Variants in TG observed in about 807,000 individuals in gnomAD.
The protein encoded by TG is thyroglobulin, also known as thyroid hormones.
Under a neutral mutation model 324.7 loss-of-function variants are expected in TG, and 270 were observed. The ratio of observed to expected loss-of-function variants is 0.83; its 90% CI spans 0.75 to 0.92. The LOEUF (loss-of-function observed/expected upper bound fraction) is 0.92. Ranked by LOEUF, TG falls within the 40% of genes least tolerant of loss-of-function variation. The probability of loss-of-function intolerance (pLI) is 0.00; values close to 1 mark genes in which losing one functional copy is unlikely to be tolerated. For missense variants in TG, 3,591 were observed against 3,456.4 expected, an observed-to-expected ratio of 1.04 and a Z score of -0.98; for synonymous variants, 1,401 against 1,327.0, an observed-to-expected ratio of 1.06 and a Z score of -1.21.
At chr8:133,061,723 TA>T (rs1227224428) in intron 41 of TG, among the ~76,000 whole-genome samples, 1 of 152,098 alleles carries the variant, frequency 6.6e-6, no homozygotes, top group East Asian at 1.9e-4. Flanking sequence ...GATCAAACCT[TA>T]TGAAGGGCAC....
intron 41 of TG, among the ~76,000 whole-genome samples, chr8:133,035,651 C>T (rs1837038332): frequency 6.6e-6 from 1 of 152,164 alleles, no homozygotes; most frequent in Non-Finnish European, 1.5e-5. Flanking sequence ...ATTGTTTCTT[C>T]TTAATGTTTT....
rs145311686 is a variant in TG at position 132,873,124 on chromosome 8, C to A, written c.541C>A (p.Pro181Thr). 15 of 1,614,030 alleles carry A rather than the reference C, an allele frequency of 9.3e-6. No individual in the cohort carries two copies. Among genetic ancestry groups the A allele is most frequent in the Non-Finnish European group, 1.1e-5 (13 of 1,180,036 alleles). The change falls in exon 5 of 48, where the codon CCC (proline) becomes ACC (threonine). Residue 181 changes from proline to threonine, a missense_variant. Transcript: ENST00000220616. ...CCACGGGGTGGGAGATAAGTCACCA[C>A]CCCAGTGTTCTGCGGAGGGAGAGTT... ...LLHGVGDKSP[P>T]QCSAEGEFMP... is the part of the protein sequence containing the mutation.
chr8:132,951,002 G>A (rs1461438230), intron 27 of TG, among the ~76,000 whole-genome samples: 1 of 152,148 alleles, frequency 6.6e-6, no homozygotes, highest in East Asian at 1.9e-4. Flanking sequence ...AGGTCTTAGA[G>A]CTTGTAAATA....
Position 133,118,678 on chromosome 8 carries a change from G to T in TG, c.7862+1962G>T, listed in dbSNP as rs116041323. Among the ~76,000 whole-genome samples, 1,172 of 152,204 alleles carry T rather than the reference G, an allele frequency of 7.7e-3. 14 individuals are homozygous for T. Among genetic ancestry groups the T allele is most frequent in the African/African-American group, 0.027 (1,106 of 41,518 alleles). ...CAAAAAAAGTTCAGAGCCCAATTTT[G>T]CAGGGTTGAAATGGCCACCTCTGTT... On this transcript the variant is annotated intron_variant, in intron 45 of 47. Coordinates refer to ENST00000220616, the MANE Select transcript of TG (RefSeq NM_003235.5).
intron 43 of TG, among the ~76,000 whole-genome samples, chr8:133,110,427 A>G (rs1240817676): frequency 1.3e-5 from 2 of 152,234 alleles, no homozygotes; most frequent in African/African-American, 2.4e-5. Context: ...TTTCTTGCAC[A>G]GTTTTTCAAA....
intron 35 of TG, chr8:133,002,550 C>T (rs2403911): frequency 0.18 from 76,815 of 415,722 alleles, 8,286 homozygotes; most frequent in Middle Eastern, 0.25. Flanking sequence ...CACTTCTACT[C>T]AATGAAGAGA....
intron 30 of TG, among the ~76,000 whole-genome samples, 180 bp from the exon 31 acceptor site, chr8:132,967,614 A>G (rs1828817960): frequency 6.6e-6 from 1 of 152,132 alleles, no homozygotes; most frequent in Non-Finnish European, 1.5e-5. Flanking sequence ...CTCCCCAGCT[A>G]GCAGAACCCC....
At chr8:132,888,595 ATGTGTGTGTGTG>A in intron 10 of TG, 27 bp downstream of exon 10, 3 of 1,337,950 alleles carry the variant, frequency 2.2e-6, no homozygotes, top group South Asian at 2.8e-5. Flanking sequence ...GAAGAGTTAA[ATGTGTGTGTGTG>A]TGTGTGTGTG....
At chr8:132,963,534 T>C (rs1035803528) in intron 29 of TG, among the ~76,000 whole-genome samples, 3 of 152,214 alleles carry the variant, frequency 2.0e-5, no homozygotes, top group Admixed American at 1.3e-4. Context: ...ACGTATGTAC[T>C]GTCTGGACTT....
intron 26 of TG, among the ~76,000 whole-genome samples, chr8:132,946,695 A>G (rs1239294183): frequency 6.6e-6 from 1 of 152,062 alleles, no homozygotes; most frequent in Non-Finnish European, 1.5e-5. Flanking sequence ...ATGAAAATTC[A>G]TGGGGCTTCT....
intron 41 of TG, among the ~76,000 whole-genome samples, chr8:133,087,123 C>T (rs918572490): frequency 2.0e-4 from 26 of 127,838 alleles, no homozygotes; most frequent in Non-Finnish European, 3.5e-4. Flanking sequence ...CACACACACA[C>T]GGAAGAGACA....
At chr8:132,960,766 A>G (rs1827628926) in intron 27 of TG, among the ~76,000 whole-genome samples, 1 of 152,050 alleles carries the variant, frequency 6.6e-6, no homozygotes. Flanking sequence ...TAGGTTCACA[A>G]CCCCTCATGG....
intron 5 of TG, among the ~76,000 whole-genome samples, chr8:132,879,687 T>C (rs184833760): frequency 1.3e-5 from 2 of 152,304 alleles, no homozygotes; most frequent in South Asian, 2.1e-4. Flanking sequence ...GTGATCTTAC[T>C]GGGAGGGTGG....
At chr8:133,043,344 C>A (rs183969113) in intron 41 of TG, among the ~76,000 whole-genome samples, 35 of 152,288 alleles carry the variant, frequency 2.3e-4, no homozygotes, top group Admixed American at 2.0e-3. Context: ...CTCCACACCC[C>A]CTCCGATGGT....
chr8:132,914,662 A>G (rs1260874011), intron 20 of TG, among the ~76,000 whole-genome samples: 2 of 152,234 alleles, frequency 1.3e-5, no homozygotes, highest in South Asian at 4.1e-4. Flanking sequence ...GGTGGGGCTG[A>G]CACACAGGAG....
intron 41 of TG, chr8:133,038,174 A>G: frequency 3.3e-6 from 1 of 298,524 alleles, no homozygotes; most frequent in Non-Finnish European, 6.4e-6. Flanking sequence ...CTGTCTGGAC[A>G]GGTCCAGTTC....
At position 132,899,024 on chromosome 8, in the gene TG, G is replaced by C. The variant is rs1817548663; in HGVS notation, c.3330+114G>C. ...GTTAAAAGCTCACATGATGTTCTCA[G>C]CCTGGGTGTTTGTCTGGGCCTGCTA... On this transcript the variant is annotated intron_variant, in intron 14 of 47. Coordinates refer to ENST00000220616, the MANE Select transcript of TG (RefSeq NM_003235.5). The C allele has an allele frequency of 1.2e-5, 12 of 965,776 alleles. No individual in the cohort carries two copies. The South Asian group carries it at 1.5e-4, about 12-fold the overall frequency. The allele number at this position is 965,776 out of a possible 1,614,324, so 59.8% of individuals were successfully genotyped here.
intron 41 of TG, among the ~76,000 whole-genome samples, chr8:133,071,839 G>A (rs1471450439): frequency 1.3e-5 from 2 of 152,140 alleles, no homozygotes; most frequent in Non-Finnish European, 2.9e-5. Context: ...AATGCTTACT[G>A]CTCCCAGGGC....
Position 133,134,726 on chromosome 8 carries a change from G to T in TG, c.8239G>T (p.Ala2747Ser), listed in dbSNP as rs761512925. ...SAESEEEELTAGSGLREDLLS... is the reference protein window; with the variant it reads ...SAESEEEELTSGSGLREDLLS... ...AGAGAGTGAAGAGGAGGAGTTGACG[G>T]CTGGATCTGGGCTAAGAGAAGATCT... The change falls in exon 48 of 48, where the codon GCT becomes TCT. Residue 2747 changes from alanine (A) to serine (S), a missense_variant. Ala to Ser is a moderately conservative substitution (Grantham distance 99, BLOSUM62 1). Transcript: ENST00000220616. 1 of 1,613,992 alleles carries T rather than the reference G, an allele frequency of 6.2e-7. No individual in the cohort carries two copies. Among genetic ancestry groups the T allele is most frequent in the Non-Finnish European group, 8.5e-7 (1 of 1,180,016 alleles).
Sources: gnomAD v4.1 joint callset for allele counts (sites outside exome capture counted in the v4.1 genomes callset) on GRCh38, gnomAD v4.1.1 for gene constraint, MANE v1.5 for transcripts, NCBI Gene and HGNC (gene_info 2026-07-23, HGNC 2026-07-21) for gene names.